TRHDE: variants seen among roughly 807,000 people sequenced by gnomAD.
TRHDE encodes the protein thyrotropin-releasing hormone-degrading ectoenzyme.
A neutral mutation model predicts 125.7 loss-of-function variants in TRHDE; 72 were observed. That is an observed-to-expected ratio of 0.57 (90% CI 0.47 to 0.70). The LOEUF is 0.70. Among genes scored for constraint, TRHDE ranks in the 30% least tolerant of loss-of-function variants. TRHDE has a pLI of 0.00. For synonymous variants in TRHDE, 509 were observed against 509.1 expected (o/e 1.00, Z 0.00); for missense variants, 1,110 against 1,327.1 (o/e 0.84, Z 2.54).
At chr12:72,615,201 A>G (rs1421207811) in intron 12 of TRHDE, among the ~76,000 whole-genome samples, 1 of 152,108 alleles carries the variant, frequency 6.6e-6, no homozygotes, top group African/African-American at 2.4e-5. Flanking sequence ...ATAACCTACA[A>G]CCTCTTCCTA....
chr12:72,359,214 G>A (rs897318399), intron 2 of TRHDE, among the ~76,000 whole-genome samples: 3 of 147,406 alleles, frequency 2.0e-5, no homozygotes, highest in Non-Finnish European at 4.5e-5. Context: ...GGTGAAGAAA[G>A]CCTTCGAAAA....
intron 5 of TRHDE, among the ~76,000 whole-genome samples, chr12:72,495,819 C>G (rs1190594485): frequency 1.3e-5 from 2 of 152,070 alleles, no homozygotes; most frequent in Non-Finnish European, 2.9e-5. Flanking sequence ...TCTACATTTA[C>G]TCACATTTTC....
At chr12:72,380,722 C>G (rs544214189) in intron 3 of TRHDE, among the ~76,000 whole-genome samples, 9 of 115,708 alleles carry the variant, frequency 7.8e-5, no homozygotes, top group South Asian at 2.6e-4. Flanking sequence ...TTCCTTCCTT[C>G]CTTCCTTCCT....
chr12:72,478,293 A>T (rs1258321045), intron 5 of TRHDE, among the ~76,000 whole-genome samples: 1 of 152,152 alleles, frequency 6.6e-6, no homozygotes, highest in Non-Finnish European at 1.5e-5. Flanking sequence ...TTACATTGAG[A>T]GACCATAAGG....
chr12:72,124,176 T>A (rs1475918641), intron 2 of TRHDE, among the ~76,000 whole-genome samples: 2 of 152,194 alleles, frequency 1.3e-5, no homozygotes, highest in Non-Finnish European at 2.9e-5. Flanking sequence ...CATAATTGCA[T>A]ATTCTTATAA....
intron 3 of TRHDE, among the ~76,000 whole-genome samples, chr12:72,400,064 G>A (rs1872972955): frequency 6.6e-6 from 1 of 151,956 alleles, no homozygotes; most frequent in African/African-American, 2.4e-5. Flanking sequence ...TATTCTTTTT[G>A]TCTAGGGTAT....
At chr12:72,384,767 T>C (rs917684470) in intron 3 of TRHDE, among the ~76,000 whole-genome samples, 6 of 152,024 alleles carry the variant, frequency 3.9e-5, no homozygotes, top group African/African-American at 1.4e-4. Context: ...CATTTTTGCT[T>C]AAGATACAAT....
chr12:72,570,254 A>G (rs1870653324), intron 10 of TRHDE, among the ~76,000 whole-genome samples: 1 of 152,168 alleles, frequency 6.6e-6, no homozygotes, highest in Admixed American at 6.5e-5. Context: ...GCTGTTATGC[A>G]TGATGTATTT....
At chr12:72,600,982 T>G (rs1872183385) in intron 12 of TRHDE, among the ~76,000 whole-genome samples, 1 of 152,094 alleles carries the variant, frequency 6.6e-6, no homozygotes, top group South Asian at 2.1e-4. Context: ...GACTTTTAAG[T>G]CTTATTATTT....
intron 1 of TRHDE, among the ~76,000 whole-genome samples, chr12:72,100,614 T>C (rs1875045147): frequency 6.6e-6 from 1 of 152,194 alleles, no homozygotes; most frequent in African/African-American, 2.4e-5. Flanking sequence ...AGGGAGAAGA[T>C]AGAGAAATAA....
chr12:72,402,927 A>G (rs1477399888), intron 3 of TRHDE, among the ~76,000 whole-genome samples: 1 of 152,116 alleles, frequency 6.6e-6, no homozygotes, highest in African/African-American at 2.4e-5. Context: ...GCTGATGACT[A>G]CTTCCTCACG....
At chr12:72,150,555 C>G (rs1433389161) in intron 2 of TRHDE, among the ~76,000 whole-genome samples, 2 of 115,198 alleles carry the variant, frequency 1.7e-5, no homozygotes, top group Non-Finnish European at 3.4e-5. Context: ...CCCCACCCCC[C>G]ACCCGACAAC....
intron 3 of TRHDE, among the ~76,000 whole-genome samples, chr12:72,413,210 A>T (rs1873585382): frequency 6.6e-6 from 1 of 151,938 alleles, no homozygotes; most frequent in Non-Finnish European, 1.5e-5. Context: ...CTATGGCATA[A>T]TTTTTTTAAA....
intron 2 of TRHDE, among the ~76,000 whole-genome samples, chr12:72,299,788 A>G (rs1880436218): frequency 6.6e-6 from 1 of 152,130 alleles, no homozygotes; most frequent in Non-Finnish European, 1.5e-5. Flanking sequence ...GCCAGACAAT[A>G]AGACAAGATA....
chr12:72,301,183 G>T (rs4760829), intron 2 of TRHDE, among the ~76,000 whole-genome samples: 1 of 151,892 alleles, frequency 6.6e-6, no homozygotes, highest in Admixed American at 6.6e-5. Flanking sequence ...ATGGCAAGTC[G>T]GGCTGAAAGT....
chr12:72,646,730 AAAAC>A (rs1874296058), intron 15 of TRHDE, among the ~76,000 whole-genome samples: 1 of 152,082 alleles, frequency 6.6e-6, no homozygotes, highest in Non-Finnish European at 1.5e-5. Flanking sequence ...AACCATCACA[AAAAC>A]AAAGAAGGGC....
intron 7 of TRHDE, among the ~76,000 whole-genome samples, chr12:72,557,157 G>T (rs550420263): frequency 6.6e-6 from 1 of 152,138 alleles, no homozygotes; most frequent in Non-Finnish European, 1.5e-5. Flanking sequence ...GTTGACAGAT[G>T]ACAAATGTGG....
chr12:72,519,550 C>T (rs1309610173), intron 6 of TRHDE, among the ~76,000 whole-genome samples: 1 of 152,080 alleles, frequency 6.6e-6, no homozygotes, highest in African/African-American at 2.4e-5. Context: ...TTCTTCTAAA[C>T]TTTTTTCAAA....
intron 2 of TRHDE, among the ~76,000 whole-genome samples, chr12:72,240,569 AT>A (rs1388000517): frequency 3.5e-4 from 50 of 144,674 alleles, no homozygotes; most frequent in East Asian, 1.2e-3. Context: ...TCTCCAATTA[AT>A]TTTTTTTTTT....
Sources: allele counts gnomAD v4.1 joint callset (sites outside exome capture counted in the v4.1 genomes callset), GRCh38; gene constraint gnomAD v4.1.1; transcripts MANE v1.5; gene names NCBI Gene and HGNC (gene_info 2026-07-23, HGNC 2026-07-21).